The following SPMAP2L variants were observed in gnomAD, a reference collection of about 807,000 sequenced individuals.
The protein encoded by SPMAP2L is sperm microtubule associated protein 2 like, also known as sperm microtubule associated protein 2-like.
the SPMAP2L span, among the ~76,000 whole-genome samples, chr4:56,552,845 C>G: frequency 6.6e-6 from 1 of 152,144 alleles, no homozygotes; most frequent in Non-Finnish European, 1.5e-5. Flanking sequence ...CCCCAAAAAT[C>G]CTGATTTAGT....
the SPMAP2L span, chr4:56,594,343 G>A: frequency 6.5e-6 from 10 of 1,532,090 alleles, no homozygotes; most frequent in Non-Finnish European, 6.3e-6. Context: ...CCATGAAACT[G>A]AACAGTTCGT....
chr4:56,580,908 A>G, the SPMAP2L span, among the ~76,000 whole-genome samples: 7 of 152,294 alleles, frequency 4.6e-5, no homozygotes, highest in Non-Finnish European at 1.0e-4. Flanking sequence ...AATTATACAT[A>G]TAAGGAATAT....
chr4:56,563,511 AG>A, the SPMAP2L span, among the ~76,000 whole-genome samples: 1 of 151,880 alleles, frequency 6.6e-6, no homozygotes, highest in South Asian at 2.1e-4. Context: ...CTGTTGGGGG[AG>A]GGGAAGGAGA....
At chr4:56,575,110 G>C in the SPMAP2L span, among the ~76,000 whole-genome samples, 3 of 151,816 alleles carry the variant, frequency 2.0e-5, no homozygotes, top group Admixed American at 2.0e-4. Flanking sequence ...TTAGCCAGGC[G>C]TGGTGGTGGG....
chr4:56,556,824 G>A, the SPMAP2L span, among the ~76,000 whole-genome samples: 1,748 of 152,194 alleles, frequency 0.011, 19 homozygotes, highest in Non-Finnish European at 0.018. Context: ...GCAGTGAGCC[G>A]AGATTGTGCC....
the SPMAP2L span, among the ~76,000 whole-genome samples, chr4:56,575,298 T>C: frequency 6.6e-6 from 1 of 152,016 alleles, no homozygotes; most frequent in African/African-American, 2.4e-5. Flanking sequence ...GAAAACTATC[T>C]GTTTTGAGTA....
At chr4:56,557,781 G>GGTCA in the SPMAP2L span, 1 of 151,962 alleles carries the variant, frequency 6.6e-6, no homozygotes, top group Non-Finnish European at 1.5e-5. Flanking sequence ...TATCCTCTGG[G>GGTCA]GTCAAGTCCT....
the SPMAP2L span, among the ~76,000 whole-genome samples, chr4:56,571,599 G>C: frequency 2.0e-5 from 3 of 152,248 alleles, no homozygotes; most frequent in East Asian, 5.8e-4. Context: ...TAATCCCAAT[G>C]CTTTGGGAGG....
the SPMAP2L span, among the ~76,000 whole-genome samples, chr4:56,587,591 A>G: frequency 6.6e-6 from 1 of 151,862 alleles, no homozygotes; most frequent in South Asian, 2.1e-4. Context: ...TTCTTGAGTT[A>G]CTTTACTTAG....
chr4:56,548,795 C>G, the SPMAP2L span: 17 of 1,488,888 alleles, frequency 1.1e-5, no homozygotes, highest in Non-Finnish European at 1.5e-5. Flanking sequence ...TTTAGCAAAT[C>G]CTGTTTCCTG....
chr4:56,543,875 TGAGAGA>T, the SPMAP2L span, among the ~76,000 whole-genome samples: 10 of 121,454 alleles, frequency 8.2e-5, no homozygotes, highest in South Asian at 5.4e-4. Flanking sequence ...TAGCATATAT[TGAGAGA>T]GAGAGAGAGA....
At chr4:56,560,343 T>G in the SPMAP2L span, among the ~76,000 whole-genome samples, 1 of 152,206 alleles carries the variant, frequency 6.6e-6, no homozygotes, top group Admixed American at 6.5e-5. Flanking sequence ...CTTCTTCACC[T>G]TGCCCTCTCA....
At chr4:56,568,706 G>A in the SPMAP2L span, among the ~76,000 whole-genome samples, 51 of 152,156 alleles carry the variant, frequency 3.4e-4, 1 homozygote, top group Non-Finnish European at 4.6e-4. Flanking sequence ...ATAAATTAGA[G>A]TTTGGTAGTA....
chr4:56,550,936 T>C, the SPMAP2L span, among the ~76,000 whole-genome samples: 18 of 144,292 alleles, frequency 1.2e-4, no homozygotes, highest in Admixed American at 4.4e-4. Context: ...GTGGGGAACA[T>C]AGTGAGACTC....
the SPMAP2L span, among the ~76,000 whole-genome samples, chr4:56,592,320 A>G: frequency 1.3e-5 from 2 of 152,298 alleles, no homozygotes; most frequent in South Asian, 4.2e-4. Flanking sequence ...CCGCTGCTTT[A>G]TAGCATTCTT....
chr4:56,531,239 C>T, the SPMAP2L span: 2 of 1,454,774 alleles, frequency 1.4e-6, no homozygotes, highest in East Asian at 5.0e-5. Context: ...CGCTGAGCAC[C>T]CACGCCCCAT....
At chr4:56,588,588 C>T in the SPMAP2L span, among the ~76,000 whole-genome samples, 14 of 152,044 alleles carry the variant, frequency 9.2e-5, no homozygotes, top group Non-Finnish European at 8.8e-5. Context: ...TGCACCACCA[C>T]GCCAGGCTAA....
chr4:56,609,418 T>A, the SPMAP2L span, among the ~76,000 whole-genome samples: 3 of 152,242 alleles, frequency 2.0e-5, no homozygotes, highest in Admixed American at 2.0e-4. Context: ...TTCAAACTAA[T>A]CATTCATTTA....
the SPMAP2L span, among the ~76,000 whole-genome samples, chr4:56,552,945 G>A: frequency 6.6e-6 from 1 of 152,020 alleles, no homozygotes; most frequent in African/African-American, 2.4e-5. Context: ...GCTCAGGGGT[G>A]TGACTGCACA....
Sources: gnomAD v4.1 joint callset for allele counts (sites outside exome capture counted in the v4.1 genomes callset) on GRCh38, gnomAD v4.1.1 for gene constraint, MANE v1.5 for transcripts, NCBI Gene and HGNC (gene_info 2026-07-23, HGNC 2026-07-21) for gene names.